PEMT: variants seen among roughly 807,000 people sequenced by gnomAD.
The protein encoded by PEMT is phospholipid methyltransferase.
In PEMT, 23 loss-of-function variants were observed where a neutral mutation model predicts 27.4. That is an observed-to-expected ratio of 0.84 (90% CI 0.60 to 1.19). The LOEUF (loss-of-function observed/expected upper bound fraction) is 1.19, where lower values mean the gene tolerates loss of function less well. PEMT is among the 50% of genes most tolerant of loss of function. The pLI is 0.00. For synonymous variants in PEMT, 137 were observed against 139.1 expected, an observed-to-expected ratio of 0.98 and a Z score of 0.11; for missense variants, 307 against 310.1, an observed-to-expected ratio of 0.99 and a Z score of 0.07.
At chr17:17,506,401 TC>T in intron 5 of PEMT, 100 bp from the exon 6 acceptor site, 1 of 822,412 alleles carries the variant, frequency 1.2e-6, no homozygotes, top group Non-Finnish European at 1.9e-6. Context: ...ACCCTGGCCC[TC>T]CGGCCGACGC....
Position 17,505,756 on chromosome 17 carries a change from C to G in PEMT, c.*35G>C. 6.3e-7 allele frequency: 1 copy of G among 1,588,978 alleles called. No homozygotes were observed. Among genetic ancestry groups the G allele is most frequent in the Non-Finnish European group, 8.6e-7 (1 of 1,167,344 alleles). ...CTGCCACTTGGGGCAGGCCAGGAGG[C>G]TGGCCAGGCCTTCAGCAAAGCTGTT... is the stretch of plus-strand genomic sequence containing the variant. On this transcript the variant is annotated 3_prime_UTR_variant, in exon 7 of 7. Transcript: ENST00000255389.
In PEMT at chr17:17,582,404, G is replaced by A; in HGVS notation, c.97-5377C>T. ...AATTTACTCCATTGAGGGGTGCAGG[G>A]TTCTCGGGAGCAGCGCTCTGTGGTC... On this transcript the variant is annotated intron_variant, in intron 1 of 6. Coordinates refer to ENST00000255389, the MANE Select transcript of PEMT (RefSeq NM_148172.3). This position sits in a 1 kb window ranked among gnomAD's most constrained non-coding sequence, Gnocchi z 4.9. 1.0e-6 allele frequency: 1 copy of A among 985,492 alleles called. No individual in the cohort carries two copies. The allele number at this position is 985,492 out of a possible 1,614,324, so 61.0% of individuals were successfully genotyped here.
At chr17:17,537,100 A>G (rs1175902146) in intron 2 of PEMT, among the ~76,000 whole-genome samples, 1 of 152,162 alleles carries the variant, frequency 6.6e-6, no homozygotes, top group Non-Finnish European at 1.5e-5. Flanking sequence ...CGATGACAAT[A>G]CATTTTGCTC....
chr17:17,565,411 C>G (rs963981140), intron 2 of PEMT: 1 of 152,424 alleles, frequency 6.6e-6, no homozygotes, highest in African/African-American at 2.4e-5. Context: ...AAGGGAAACT[C>G]CCCTGGAACA....
chr17:17,528,719 C>A (rs748293033), intron 2 of PEMT, among the ~76,000 whole-genome samples: 1 of 152,194 alleles, frequency 6.6e-6, no homozygotes, highest in Non-Finnish European at 1.5e-5. Context: ...ACCTCAGAGG[C>A]GGTGGAGCCC....
At position 17,582,140 on chromosome 17, in the gene PEMT, G is replaced by A. The variant is rs920841288; in HGVS notation, c.97-5113C>T. 9.0e-6 allele frequency: 4 copies of A among 445,310 alleles called. No homozygotes were observed. The highest frequency in any genetic ancestry group is 8.5e-5 in the African/African-American group (4 of 46,938). The allele number at this position is 445,310 out of a possible 1,614,324, so 27.6% of individuals were successfully genotyped here. The stretch of plus-strand genomic sequence containing the variant: ...AAGGGCGGTCTCCCATCCACTCCCA[G>A]CCCCAACCTCCTTCATACAACAGAG... On this transcript the variant is annotated intron_variant, in intron 1 of 6. Coordinates refer to ENST00000255389, the MANE Select transcript of PEMT (RefSeq NM_148172.3). This position sits in a 1 kb window ranked among gnomAD's most constrained non-coding sequence, Gnocchi z 4.9.
chr17:17,525,701 AAAC>A (rs1907615357), intron 2 of PEMT, among the ~76,000 whole-genome samples: 1 of 152,218 alleles, frequency 6.6e-6, no homozygotes, highest in South Asian at 2.1e-4. Flanking sequence ...AGCTTCAGAT[AAAC>A]AACAACCTGG....
At chr17:17,532,361 T>C (rs897227696) in intron 2 of PEMT, among the ~76,000 whole-genome samples, 3 of 152,198 alleles carry the variant, frequency 2.0e-5, no homozygotes, top group African/African-American at 7.2e-5. Flanking sequence ...CAAGATACGA[T>C]TGTATTTCTA....
intron 2 of PEMT, chr17:17,570,816 G>A (rs1426973300): frequency 2.3e-5 from 23 of 985,332 alleles, no homozygotes; most frequent in African/African-American, 5.2e-5. Flanking sequence ...GTGATCTGGC[G>A]GGGGTGATGG....
At chr17:17,572,676 G>A (rs1301443512) in intron 2 of PEMT, among the ~76,000 whole-genome samples, 10 of 152,358 alleles carry the variant, frequency 6.6e-5, no homozygotes, top group African/African-American at 2.2e-4. Flanking sequence ...AAGCTGCTGC[G>A]TGAGGGCCAG....
At chr17:17,516,353 G>A (rs1429038991) in intron 3 of PEMT, among the ~76,000 whole-genome samples, 2 of 150,360 alleles carry the variant, frequency 1.3e-5, no homozygotes, top group Admixed American at 6.7e-5. Flanking sequence ...CTTGAATTTC[G>A]GGCTTTGACG....
chr17:17,539,076 T>G (rs1286408997), intron 2 of PEMT, among the ~76,000 whole-genome samples: 2 of 152,176 alleles, frequency 1.3e-5, no homozygotes, highest in Admixed American at 6.5e-5. Flanking sequence ...CATTTTTAGG[T>G]CAGATTTATG....
intron 2 of PEMT, among the ~76,000 whole-genome samples, chr17:17,540,229 C>A (rs2142596390): frequency 6.6e-6 from 1 of 152,328 alleles, no homozygotes; most frequent in African/African-American, 2.4e-5. Flanking sequence ...CTTCCAATCC[C>A]AGCTCCAACC....
At chr17:17,557,119 T>C (rs1199956028) in intron 2 of PEMT, among the ~76,000 whole-genome samples, 4 of 152,112 alleles carry the variant, frequency 2.6e-5, no homozygotes, top group South Asian at 2.1e-4. Flanking sequence ...CCCTGGCTTT[T>C]CCCCCGGAGC....
rs1909089900 is a variant in PEMT at position 17,544,258 on chromosome 17, G to T, written c.205-21863C>A. ...AAGCCACACAGCTGGGAAGCAGGAA[G>T]CCCAGCTTGTGTTTCTTTTTCTTTT... On this transcript the variant is annotated intron_variant, in intron 2 of 6. Coordinates refer to ENST00000255389, the MANE Select transcript of PEMT (RefSeq NM_148172.3). 2.0e-5 allele frequency among the ~76,000 whole-genome samples: 3 copies of T among 151,810 alleles called. No individual in the cohort carries two copies. In the South Asian group the frequency reaches 6.3e-4, roughly 32 times the overall value.
rs11651487 is a variant in PEMT, at chr17:17,541,261, G to A, written c.205-18866C>T. 6.2e-3 allele frequency among the ~76,000 whole-genome samples: 943 copies of A among 152,318 alleles called. 6 individuals carry two copies. Among genetic ancestry groups the A allele is most frequent in the Non-Finnish European group, 0.01 (695 of 68,022 alleles). ...CCTGCAAGGAAGATGTCTCCCTCAC[G>A]CACGGACAGGTGCGGTGGTGCCTCA... On this transcript the variant is annotated intron_variant, in intron 2 of 6. Transcript: ENST00000255389.
At chr17:17,531,523 C>A (rs1394510774) in intron 2 of PEMT, among the ~76,000 whole-genome samples, 1 of 145,752 alleles carries the variant, frequency 6.9e-6, no homozygotes, top group Non-Finnish European at 1.5e-5. Context: ...GGAACTAACA[C>A]AACCAGATTT....
At chr17:17,569,006 G>A (rs1034597037) in intron 2 of PEMT, among the ~76,000 whole-genome samples, 2 of 152,148 alleles carry the variant, frequency 1.3e-5, no homozygotes, top group South Asian at 2.1e-4. Context: ...CGCAGCAAGT[G>A]GACTCTCACC....
At chr17:17,528,659 G>A (rs1457517202) in intron 2 of PEMT, among the ~76,000 whole-genome samples, 5 of 152,198 alleles carry the variant, frequency 3.3e-5, no homozygotes, top group Non-Finnish European at 7.4e-5. Context: ...CATGACTCCT[G>A]TCTCTCCCTC....
Sources: allele counts gnomAD v4.1 joint callset (sites outside exome capture counted in the v4.1 genomes callset), GRCh38; gene constraint gnomAD v4.1.1; non-coding constraint Gnocchi (gnomAD v3.1); transcripts MANE v1.5; gene names NCBI Gene and HGNC (gene_info 2026-07-23, HGNC 2026-07-21).